ARHGEF9: variants seen among roughly 807,000 people sequenced by gnomAD.
ARHGEF9 encodes the protein Cdc42 guanine nucleotide exchange factor 9, also known as rho guanine nucleotide exchange factor 9.
In ARHGEF9, 2 loss-of-function variants were observed where a neutral mutation model predicts 41.3. That is an observed-to-expected ratio of 0.05 (90% CI 0.02 to 0.15). The LOEUF (loss-of-function observed/expected upper bound fraction) is 0.15. ARHGEF9 is among the 10% of genes least tolerant of loss of function. The pLI is 1.00. For synonymous variants in ARHGEF9, 160 were observed against 154.4 expected, an observed-to-expected ratio of 1.04 and a Z score of -0.27; for missense variants, 225 against 424.7, an observed-to-expected ratio of 0.53 and a Z score of 4.13.
intron 9 of ARHGEF9, among the ~76,000 whole-genome samples, chrX:63,643,767 G>A (rs1602177153): frequency 9.2e-6 from 1 of 108,851 alleles, no homozygotes; most frequent in South Asian, 3.9e-4. Context: ...TATACTCAAT[G>A]AGCTATCTTT....
chrX:63,647,919 G>A (rs182371959), intron 8 of ARHGEF9, among the ~76,000 whole-genome samples: 1 of 111,014 alleles, frequency 9.0e-6, no homozygotes, highest in East Asian at 2.8e-4. Flanking sequence ...GCCTGTAAAC[G>A]AACAAAGCCT....
chrX:63,644,835 G>C (rs1283771839), intron 8 of ARHGEF9, among the ~76,000 whole-genome samples: 1 of 107,140 alleles, frequency 9.3e-6, no homozygotes, highest in Non-Finnish European at 1.9e-5. Context: ...TCATGATCAT[G>C]GCTCACTGCA....
chrX:63,673,992 C>A (rs1556358778), intron 6 of ARHGEF9, 46 bp downstream of exon 6: 2 of 1,204,193 alleles, frequency 1.7e-6, no homozygotes, highest in Admixed American at 2.2e-5. Context: ...GAAGCTTTTG[C>A]CAAGCTATTC....
intron 5 of ARHGEF9, 131 bp from the exon 6 acceptor site, chrX:63,674,298 C>T: frequency 5.6e-6 from 4 of 713,921 alleles, no homozygotes; most frequent in Non-Finnish European, 8.5e-6. Context: ...TGGGAACCCA[C>T]ACCACCTAAA....
chrX:63,637,849 T>G lies in ARHGEF9; in HGVS notation c.*179A>C. 1 of 224,327 alleles carries G rather than the reference T, an allele frequency of 4.5e-6. No individual in the cohort carries two copies. The highest frequency in any genetic ancestry group is 6.3e-5 in the East Asian group (1 of 15,825). 18.5% of individuals were successfully genotyped at this position (224,327 alleles called of 1,213,427 possible). A position where few individuals can be genotyped will look rare whatever the true frequency, so the allele number is the denominator to read the frequency against. On this transcript the variant is annotated 3_prime_UTR_variant, in exon 10 of 10. Coordinates refer to ENST00000671741, the MANE Select transcript of ARHGEF9 (RefSeq NM_001353921.2). ...AACACTTTTGTTCCTTATCTCTCTG[T>G]GTGTGTGTGTGTGTGTGTGTGTGTG...
intron 1 of ARHGEF9, among the ~76,000 whole-genome samples, chrX:63,775,885 T>G (rs1373909970): frequency 1.8e-5 from 2 of 111,457 alleles, no homozygotes; most frequent in African/African-American, 6.5e-5. Context: ...TACTGTCTCT[T>G]GGAAGCCCTA....
At chrX:63,783,458 G>T (rs782260962) in intron 1 of ARHGEF9, among the ~76,000 whole-genome samples, 3 of 110,787 alleles carry the variant, frequency 2.7e-5, no homozygotes, top group Non-Finnish European at 5.7e-5. Context: ...GTTTCTCCAC[G>T]TTGGTCAGGC....
chrX:63,724,650 T>G lies in ARHGEF9; in HGVS notation c.92A>C (p.Asn31Thr), dbSNP rs1431530716. The change falls in exon 2 of 10, where the codon AAC becomes ACC. Residue 31 changes from asparagine to threonine, a missense_variant. Around this residue, in one of 3 missense-constraint regions of ARHGEF9, gnomAD observed 114 missense variants for 197.9 expected, o/e 0.58. Coordinates refer to ENST00000671741, the MANE Select transcript of ARHGEF9 (RefSeq NM_001353921.2). ...EAVWDHVTMA[N>T]RELAFKAGDV... ...GCCAGCTTTAAATGCCAACTCCCGG[T>G]TGGCCATGGTGACGTGATCCCATAC... is the stretch of plus-strand genomic sequence containing the variant. 8.3e-7 allele frequency: 1 copy of G among 1,209,403 alleles called. No homozygotes were observed. Among genetic ancestry groups the G allele is most frequent in the Non-Finnish European group, 1.1e-6 (1 of 895,095 alleles).
intron 1 of ARHGEF9, among the ~76,000 whole-genome samples, chrX:63,779,591 G>A (rs1341912511): frequency 8.9e-6 from 1 of 111,858 alleles, no homozygotes; most frequent in African/African-American, 3.3e-5. Context: ...CTGGGGTGGG[G>A]ACACAGCAAA....
chrX:63,742,008 C>T (rs2054992922), intron 1 of ARHGEF9, among the ~76,000 whole-genome samples: 1 of 112,073 alleles, frequency 8.9e-6, no homozygotes, highest in South Asian at 3.7e-4. Context: ...AATTTTCTTC[C>T]CCATCAATTT....
At chrX:63,754,407 G>GT in intron 1 of ARHGEF9, 1 of 1,171,407 alleles carries the variant, frequency 8.5e-7, no homozygotes, top group Admixed American at 2.5e-5. Context: ...CTCTGTCTGT[G>GT]ATTTTTTTTT....
chrX:63,737,574 T>C lies in ARHGEF9; in HGVS notation c.31-12863A>G, dbSNP rs184230546. 6.2e-5 allele frequency among the ~76,000 whole-genome samples: 7 copies of C among 112,418 alleles called. No individual in the cohort carries two copies. The Admixed American group carries it at 6.6e-4, about 11-fold the overall frequency. On this transcript the variant is annotated intron_variant, in intron 1 of 9. Transcript: ENST00000671741. ...TCAAAATACAACACCAGTACAGGGATGGCTTTTGGGTTCCACTGGCAGAAG... is the reference window on the plus strand; with the variant it reads ...TCAAAATACAACACCAGTACAGGGACGGCTTTTGGGTTCCACTGGCAGAAG...
intron 6 of ARHGEF9, among the ~76,000 whole-genome samples, chrX:63,666,453 T>TACACACACACAC (rs782805278): frequency 0.056 from 4,561 of 81,155 alleles, 157 homozygotes; most frequent in Non-Finnish European, 0.071. Flanking sequence ...TATATATACA[T>TACACACACACAC]ACACACACAC....
intron 1 of ARHGEF9, among the ~76,000 whole-genome samples, chrX:63,768,692 A>C (rs1331042020): frequency 2.7e-5 from 3 of 111,928 alleles, no homozygotes; most frequent in Non-Finnish European, 5.6e-5. Context: ...ATCATGGGGC[A>C]GTCTCCCCCA....
chrX:63,639,176 C>T (rs1264815777), intron 9 of ARHGEF9, among the ~76,000 whole-genome samples: 2 of 111,629 alleles, frequency 1.8e-5, no homozygotes, highest in Non-Finnish European at 3.8e-5. Context: ...TTTGCCTTTG[C>T]TTGATGACTA....
intron 1 of ARHGEF9, chrX:63,743,374 T>C (rs2055080389): frequency 1.8e-5 from 2 of 112,486 alleles, no homozygotes; most frequent in South Asian, 7.3e-4. Context: ...CTGACCTGAG[T>C]CAATCAAAGC....
intron 1 of ARHGEF9, chrX:63,767,038 T>A: frequency 4.3e-6 from 4 of 937,882 alleles, no homozygotes; most frequent in Non-Finnish European, 6.1e-6. Context: ...ATTGAAGAGG[T>A]GAATATGTTT....
intron 2 of ARHGEF9, among the ~76,000 whole-genome samples, chrX:63,707,794 C>T (rs1376985958): frequency 9.0e-5 from 10 of 111,323 alleles, no homozygotes; most frequent in African/African-American, 3.3e-4. Flanking sequence ...GTAGTTACTT[C>T]CCAACTCTGT....
chrX:63,751,337 GA>G (rs1264361026), intron 1 of ARHGEF9, among the ~76,000 whole-genome samples: 1 of 111,000 alleles, frequency 9.0e-6, no homozygotes, highest in Non-Finnish European at 1.9e-5. Flanking sequence ...GAGGAGGAAG[GA>G]AAAAAGAAGA....
Sources: allele counts gnomAD v4.1 joint callset (sites outside exome capture counted in the v4.1 genomes callset), GRCh38; gene constraint gnomAD v4.1.1; regional missense constraint gnomAD v4.1.1; transcripts MANE v1.5; gene names NCBI Gene and HGNC (gene_info 2026-07-23, HGNC 2026-07-21).